NMU: variants seen among roughly 807,000 people sequenced by gnomAD.
NMU encodes neuromedin U.
In NMU, 29 loss-of-function variants were observed where a neutral mutation model predicts 35.4. That is an observed-to-expected ratio of 0.82 (90% confidence interval 0.61 to 1.12). The LOEUF is 1.12. NMU is among the 50% of genes most tolerant of loss of function. The pLI is 0.00. For synonymous variants in NMU, 78 were observed against 81.3 expected (o/e 0.96, Z 0.22); for missense variants, 199 against 206.2 (o/e 0.97, Z 0.21).
At chr4:55,601,676 G>A (rs1303071048) in intron 7 of NMU, among the ~76,000 whole-genome samples, 1 of 152,046 alleles carries the variant, frequency 6.6e-6, no homozygotes, top group Non-Finnish European at 1.5e-5. Flanking sequence ...TAAACCATAT[G>A]TTTATATACC....
intron 3 of NMU, among the ~76,000 whole-genome samples, chr4:55,611,089 C>T (rs906995220): frequency 4.6e-5 from 7 of 152,004 alleles, no homozygotes; most frequent in South Asian, 2.1e-4. Flanking sequence ...TGGCCAGGAA[C>T]GGTGGCTCAT....
intron 7 of NMU, 121 bp downstream of exon 7, chr4:55,605,154 T>C (rs1006639296): frequency 5.2e-6 from 4 of 772,100 alleles, no homozygotes; most frequent in Non-Finnish European, 9.5e-6. Context: ...ATTGGCTAAC[T>C]GGGTATTAGT....
At chr4:55,618,969 A>C (rs1312416321) in intron 2 of NMU, among the ~76,000 whole-genome samples, 1 of 150,136 alleles carries the variant, frequency 6.7e-6, no homozygotes, top group Non-Finnish European at 1.5e-5. Context: ...TCTTGGGCTC[A>C]AGTGATCCTC....
chr4:55,618,360 C>T (rs1734193208), intron 2 of NMU, among the ~76,000 whole-genome samples: 1 of 151,964 alleles, frequency 6.6e-6, no homozygotes, highest in South Asian at 2.1e-4. Flanking sequence ...TTAATGCTCT[C>T]CCTCCCCTTG....
intron 1 of NMU, among the ~76,000 whole-genome samples, chr4:55,632,164 A>G (rs1734779363): frequency 6.6e-6 from 1 of 152,008 alleles, no homozygotes; most frequent in Non-Finnish European, 1.5e-5. Flanking sequence ...GGTGGAGGCT[A>G]GGAGGGGGTT....
intron 2 of NMU, among the ~76,000 whole-genome samples, chr4:55,626,558 T>G (rs745606971): frequency 6.6e-6 from 1 of 152,036 alleles, no homozygotes; most frequent in African/African-American, 2.4e-5. Context: ...TACAAAAAAA[T>G]TAGCCGGCCG....
chr4:55,596,690 C>T (rs186699622), intron 9 of NMU, among the ~76,000 whole-genome samples: 59 of 152,210 alleles, frequency 3.9e-4, no homozygotes, highest in African/African-American at 1.2e-3. Context: ...AATTCAAGTT[C>T]CTAATTATGT....
chr4:55,626,349 T>C (rs1454238727), intron 2 of NMU, among the ~76,000 whole-genome samples: 1 of 152,260 alleles, frequency 6.6e-6, no homozygotes, highest in East Asian at 1.9e-4. Context: ...CCAATTGATT[T>C]GGTGTAGTTT....
chr4:55,619,853 GA>G (rs1019476922), intron 2 of NMU, among the ~76,000 whole-genome samples: 1 of 134,852 alleles, frequency 7.4e-6, no homozygotes, highest in Non-Finnish European at 1.6e-5. Context: ...GTGGGTCCCT[GA>G]CCCCTGACCC....
intron 1 of NMU, 72 bp from the exon 2 acceptor site, chr4:55,630,532 C>A: frequency 4.3e-6 from 5 of 1,149,788 alleles, no homozygotes; most frequent in Non-Finnish European, 6.5e-6. Context: ...ATATATAATT[C>A]TTTCTCGCAC....
chr4:55,603,188 T>TAGGG (rs1733494275), intron 7 of NMU, among the ~76,000 whole-genome samples: 3 of 152,042 alleles, frequency 2.0e-5, no homozygotes, highest in Admixed American at 6.6e-5. Flanking sequence ...GTTTTTGTAT[T>TAGGG]TTTAGTAGAG....
intron 1 of NMU, among the ~76,000 whole-genome samples, chr4:55,632,414 A>G (rs1043337516): frequency 2.6e-5 from 4 of 152,074 alleles, no homozygotes; most frequent in Admixed American, 2.0e-4. Context: ...GGTACTAAGC[A>G]TTAGAAATAA....
rs1733384533 is a variant in NMU, at chr4:55,600,566, G to A, written c.445C>T (p.Gln149Ter). Residue 149 changes from glutamine to a stop codon, truncating the protein, a stop_gained, in exon 8 of 10, where the codon CAA (glutamine) becomes TAA (stop). Transcript: ENST00000264218. LOFTEE classifies it high-confidence loss of function. Reference protein sequence around the residue: ...MKRFRVDEEFQSPFASQSRGY... With the variant: ...MKRFRVDEEF ...CGACTTTGACTTGCAAAGGGACTTT[G>A]GAATTCTTCCTAGAAGAGAAAATGA... 2.5e-6 allele frequency: 4 copies of A among 1,608,938 alleles called. No homozygotes were observed. The highest frequency in any genetic ancestry group is 3.4e-6 in the Non-Finnish European group (4 of 1,175,632).
chr4:55,603,922 A>AT lies in NMU; in HGVS notation c.435+1352_435+1353insA, dbSNP rs1163015108. Among the ~76,000 whole-genome samples, 121 of 81,160 alleles carry AT rather than the reference A, an allele frequency of 1.5e-3. 13 individuals are homozygous for AT. The highest frequency in any genetic ancestry group is 2.0e-3 in the Admixed American group (13 of 6,352). 53.2% of individuals were successfully genotyped at this position (81,160 alleles called of 152,430 possible). ...GCAAGAGTCCGTCTCAAAAAAAAAA[A>AT]AAAAATATATATATATATATATATG... is the stretch of plus-strand genomic sequence containing the variant. On this transcript the variant is annotated intron_variant, in intron 7 of 9. Coordinates refer to ENST00000264218, the MANE Select transcript of NMU (RefSeq NM_006681.4).
intron 6 of NMU, among the ~76,000 whole-genome samples, chr4:55,606,644 A>T (rs899893318): frequency 6.6e-6 from 1 of 151,546 alleles, no homozygotes; most frequent in Admixed American, 6.6e-5. Flanking sequence ...TGGTCTTTAG[A>T]ATGTGTTTCA....
At chr4:55,635,880 G>A (rs981545912) in intron 1 of NMU, among the ~76,000 whole-genome samples, 2 of 152,242 alleles carry the variant, frequency 1.3e-5, no homozygotes, top group African/African-American at 4.8e-5. Flanking sequence ...GGCCCTGGCC[G>A]GGCCCCTTGC....
At chr4:55,619,392 GA>G (rs1257830175) in intron 2 of NMU, among the ~76,000 whole-genome samples, 1 of 127,010 alleles carries the variant, frequency 7.9e-6, no homozygotes, top group African/African-American at 2.9e-5. Flanking sequence ...CCGAGTCAAA[GA>G]AAGGGGTGAC....
chr4:55,630,313 G>A (rs921477607), intron 2 of NMU, 89 bp downstream of exon 2: 2 of 968,812 alleles, frequency 2.1e-6, no homozygotes, highest in African/African-American at 3.2e-5. Context: ...TAAAATCATA[G>A]TTCTCCCAAA....
chr4:55,595,580 A>ACACG (rs1429161070), intron 9 of NMU, among the ~76,000 whole-genome samples, 169 bp from the exon 10 acceptor site: 1 of 146,526 alleles, frequency 6.8e-6, no homozygotes. Context: ...ACACACACAC[A>ACACG]CACATGCACA....
Sources: allele counts gnomAD v4.1 joint callset (sites outside exome capture counted in the v4.1 genomes callset), GRCh38; gene constraint gnomAD v4.1.1; transcripts MANE v1.5; gene names NCBI Gene and HGNC (gene_info 2026-07-23, HGNC 2026-07-21).